Variants in TMPRSS11F observed in about 807,000 individuals in gnomAD.
The protein encoded by TMPRSS11F is transmembrane protease serine 11F.
In TMPRSS11F, 47 loss-of-function variants were observed where a neutral mutation model predicts 60.2. The ratio of observed to expected loss-of-function variants is 0.78; its 90% CI spans 0.62 to 1.00. The LOEUF is 1.00. Among genes scored for constraint, TMPRSS11F ranks in the 50% least tolerant of loss-of-function variants. The pLI is 0.00. For missense variants in TMPRSS11F, 519 were observed against 522.9 expected (o/e 0.99, Z 0.07); for synonymous variants, 166 against 167.3 (o/e 0.99, Z 0.06).
chr4:68,062,958 G>A (rs752715100), intron 8 of TMPRSS11F: 1 of 742,404 alleles, frequency 1.3e-6, no homozygotes, highest in Non-Finnish European at 2.5e-6. Flanking sequence ...AGAATTTCTG[G>A]AACTGACCCG....
chr4:68,124,967 T>TTTTTTTTTTC (rs397993852), intron 1 of TMPRSS11F, among the ~76,000 whole-genome samples: 1 of 149,252 alleles, frequency 6.7e-6, no homozygotes, highest in East Asian at 1.9e-4. Flanking sequence ...TTTTTTTTTT[T>TTTTTTTTTTC]ACATAGTACA....
At chr4:68,076,304 G>C (rs1036808271) in intron 3 of TMPRSS11F, among the ~76,000 whole-genome samples, 3 of 151,780 alleles carry the variant, frequency 2.0e-5, no homozygotes, top group Admixed American at 2.0e-4. Flanking sequence ...ATTGAAAACT[G>C]TTATTAAAAT....
chr4:68,103,305 T>C (rs1028713522), intron 1 of TMPRSS11F, among the ~76,000 whole-genome samples: 1 of 151,940 alleles, frequency 6.6e-6, no homozygotes, highest in Non-Finnish European at 1.5e-5. Flanking sequence ...AAATAGTCAG[T>C]TGTGGTGGCA....
chr4:68,054,122 T>C lies in TMPRSS11F; in HGVS notation c.1159-55A>G, dbSNP rs113128921. The C allele has an allele frequency of 1.2e-3, 1,885 of 1,522,764 alleles. 24 individuals are homozygous for C. The African/African-American group carries it at 0.024, about 19-fold the overall frequency. 94.3% of individuals were successfully genotyped at this position (1,522,764 alleles called of 1,614,324 possible). ...ACTCTACTTTAATTCAGTGGGAAGGTATTGTAATCTGACGTTCACAGAGAA... is the reference window on the plus strand; with the variant it reads ...ACTCTACTTTAATTCAGTGGGAAGGCATTGTAATCTGACGTTCACAGAGAA... On this transcript the variant is annotated intron_variant, in intron 9 of 9. Coordinates refer to ENST00000356291, the MANE Select transcript of TMPRSS11F (RefSeq NM_207407.2).
chr4:68,114,673 A>G (rs141862736), intron 1 of TMPRSS11F, among the ~76,000 whole-genome samples: 6 of 152,100 alleles, frequency 3.9e-5, no homozygotes, highest in Admixed American at 3.9e-4. Context: ...AAAACCAAAG[A>G]CATTATTTTT....
chr4:68,120,475 G>A lies in TMPRSS11F; in HGVS notation c.11+9335C>T, dbSNP rs1236312331. ...GGGATCTCGGCTCACTGCAAGCTCC[G>A]CCTCCCGGGTTCACGCCATTCTCCT... On this transcript the variant is annotated intron_variant, in intron 1 of 9. Transcript: ENST00000356291. Among the ~76,000 whole-genome samples, 28 of 144,474 alleles carry A rather than the reference G, an allele frequency of 1.9e-4. 1 individual carries two copies. Among genetic ancestry groups the A allele is most frequent in the Admixed American group, 1.8e-3 (26 of 14,334 alleles). 94.8% of individuals were successfully genotyped at this position (144,474 alleles called of 152,430 possible). A position where few individuals can be genotyped will look rare whatever the true frequency, so the allele number is the denominator to read the frequency against.
chr4:68,059,588 A>G (rs1723114614), intron 8 of TMPRSS11F, 120 bp from the exon 9 acceptor site: 1 of 980,240 alleles, frequency 1.0e-6, no homozygotes, highest in African/African-American at 1.6e-5. Context: ...AACATTAGCT[A>G]TCATCTTATT....
intron 2 of TMPRSS11F, among the ~76,000 whole-genome samples, chr4:68,098,221 CTTGAACCTGGGAAGTGGAGG>C (rs1042168596): frequency 3.3e-5 from 5 of 152,074 alleles, no homozygotes; most frequent in Non-Finnish European, 7.4e-5. Context: ...AGGAGAATTT[CTTGAACCTGGGAAGTGGAGG>C]TTGCAATGAG....
intron 1 of TMPRSS11F, among the ~76,000 whole-genome samples, chr4:68,116,492 AT>A (rs1399974789): frequency 1.3e-5 from 2 of 152,142 alleles, no homozygotes. Flanking sequence ...TAAAAAAAAA[AT>A]CCTAAAATTC....
At chr4:68,082,545 C>G (rs1723719523) in intron 3 of TMPRSS11F, among the ~76,000 whole-genome samples, 1 of 152,238 alleles carries the variant, frequency 6.6e-6, no homozygotes, top group African/African-American at 2.4e-5. Context: ...TACCTGGCTG[C>G]TCCCACAAGA....
intron 1 of TMPRSS11F, among the ~76,000 whole-genome samples, chr4:68,118,221 C>A (rs1724563438): frequency 1.3e-5 from 2 of 152,096 alleles, no homozygotes; most frequent in South Asian, 4.1e-4. Context: ...ATTGTTAACA[C>A]CAACCAGTGT....
intron 7 of TMPRSS11F, among the ~76,000 whole-genome samples, chr4:68,066,993 G>A (rs184653071): frequency 2.0e-5 from 3 of 151,488 alleles, no homozygotes; most frequent in East Asian, 1.9e-4. Context: ...AAAGTACCAC[G>A]TAGTTTTCCT....
At position 68,104,959 on chromosome 4, in the gene TMPRSS11F, G is replaced by GTT. The variant is rs36174695; in HGVS notation, c.12-5923_12-5922dup. 7.7e-4 allele frequency among the ~76,000 whole-genome samples: 108 copies of GTT among 139,890 alleles called. 1 individual carries two copies. Among genetic ancestry groups the GTT allele is most frequent in the East Asian group, 1.5e-3 (7 of 4,790 alleles). 91.8% of individuals were successfully genotyped at this position (139,890 alleles called of 152,430 possible). On this transcript the variant is annotated intron_variant, in intron 1 of 9. Coordinates refer to ENST00000356291, the MANE Select transcript of TMPRSS11F (RefSeq NM_207407.2). ...GTTTATCTAAGAAATTTGCTTGTAG[G>GTT]TTTTTTTTTTTTCCTTGTGATGTCT...
chr4:68,090,512 G>C lies in TMPRSS11F; in HGVS notation c.282+11C>G, dbSNP rs1577924062. 1 of 1,573,858 alleles carries C rather than the reference G, an allele frequency of 6.4e-7. No homozygotes were observed. Among genetic ancestry groups the C allele is most frequent in the East Asian group, 2.3e-5 (1 of 44,172 alleles). On this transcript the variant is annotated intron_variant, in intron 3 of 9. Transcript: ENST00000356291. ...ACATTAATAAACATTTAAAATTTCT[G>C]TTGAGCTTACCATTCTTTCAATCTG...
intron 1 of TMPRSS11F, among the ~76,000 whole-genome samples, chr4:68,118,385 A>G (rs1048789912): frequency 2.0e-5 from 3 of 152,210 alleles, no homozygotes; most frequent in African/African-American, 7.2e-5. Flanking sequence ...GTATTATAAC[A>G]CAATTTTGGA....
chr4:68,129,603 A>T (rs1724779536), intron 1 of TMPRSS11F, among the ~76,000 whole-genome samples: 1 of 152,178 alleles, frequency 6.6e-6, no homozygotes, highest in African/African-American at 2.4e-5. Flanking sequence ...TTAGAAACAA[A>T]AAACACCACA....
At chr4:68,100,335 T>A (rs889583026) in intron 1 of TMPRSS11F, among the ~76,000 whole-genome samples, 1 of 152,036 alleles carries the variant, frequency 6.6e-6, no homozygotes, top group Non-Finnish European at 1.5e-5. Context: ...TTAATTAGAT[T>A]GAAGAGTTTC....
chr4:68,054,562 AG>A (rs1723003360), intron 9 of TMPRSS11F, among the ~76,000 whole-genome samples: 3 of 152,154 alleles, frequency 2.0e-5, no homozygotes, highest in African/African-American at 7.2e-5. Flanking sequence ...AACAAAAATA[AG>A]AACAAAGAAG....
chr4:68,053,977 T>C lies in TMPRSS11F; in HGVS notation c.1249A>G (p.Lys417Glu). 1 of 1,613,378 alleles carries C rather than the reference T, an allele frequency of 6.2e-7. No individual in the cohort carries two copies. Among genetic ancestry groups the C allele is most frequent in the Non-Finnish European group, 8.5e-7 (1 of 1,179,620 alleles). ...ACTCTGGTGTAGACTCCAGGTTTTT[T>C]GGGAAGTGCACATGATTGTCCCCAA... ...VSWGQSCALP[K>E]KPGVYTRVTK... is the part of the protein sequence containing the mutation. The change falls in exon 10 of 10, where the codon AAA becomes GAA. Residue 417 changes from lysine to glutamate, a missense_variant. By Grantham distance (56) the Lys-to-Glu change is moderately conservative. Coordinates refer to ENST00000356291, the MANE Select transcript of TMPRSS11F (RefSeq NM_207407.2).
Sources: gnomAD v4.1 joint callset for allele counts (sites outside exome capture counted in the v4.1 genomes callset) on GRCh38, gnomAD v4.1.1 for gene constraint, MANE v1.5 for transcripts, NCBI Gene and HGNC (gene_info 2026-07-23, HGNC 2026-07-21) for gene names.